The following ZNF433 variants were observed in gnomAD, a reference collection of about 807,000 sequenced individuals.
ZNF433 encodes the protein zinc finger protein 433.
A neutral mutation model predicts 10.6 loss-of-function variants in ZNF433; 12 were observed. That is an observed-to-expected ratio of 1.13 (90% confidence interval 0.72 to 1.83). The LOEUF (loss-of-function observed/expected upper bound fraction) is 1.83. ZNF433 is among the 40% of genes most tolerant of loss of function. The pLI is 0.00. For synonymous variants in ZNF433, 272 were observed against 271.3 expected (o/e 1.00, Z -0.02); for missense variants, 737 against 798.0 (o/e 0.92, Z 0.92).
intron 3 of ZNF433, 70 bp downstream of exon 3, chr19:12,017,806 T>A: frequency 1.0e-6 from 1 of 967,552 alleles, no homozygotes. Flanking sequence ...TCCTTTTTTT[T>A]TTTTTAACAT....
chr19:12,015,282 T>C lies in ZNF433; in HGVS notation c.1576A>G (p.Thr526Ala). The change falls in exon 4 of 4, where the codon ACT (threonine) becomes GCT (alanine). Residue 526 changes from threonine (T) to alanine (A), a missense_variant. Coordinates refer to ENST00000550507, the MANE Select transcript of ZNF433 (RefSeq NM_001308348.2). The stretch of plus-strand genomic sequence containing the variant: ...TTGCATTCATAGGGTTTCTCTCCAG[T>C]GTGAGTCCTTCCATGATATCGAAAG... ...SSFRYHGRTH[T>A]GEKPYECKQC... 6.2e-7 allele frequency: 1 copy of C among 1,614,044 alleles called. No individual in the cohort carries two copies.
intron 1 of ZNF433, among the ~76,000 whole-genome samples, chr19:12,020,188 C>A (rs1025227597): frequency 6.6e-6 from 1 of 152,068 alleles, no homozygotes; most frequent in Non-Finnish European, 1.5e-5. Context: ...AGGAGAATCA[C>A]TTGAATCTGG....
chr19:12,028,497 T>C (rs902387189), intron 1 of ZNF433, among the ~76,000 whole-genome samples: 1 of 152,198 alleles, frequency 6.6e-6, no homozygotes, highest in Non-Finnish European at 1.5e-5. Flanking sequence ...CCATCAATAT[T>C]TTGGTTCACT....
rs1287479081 is a variant in ZNF433 at position 12,016,297 on chromosome 19, T to C, written c.561A>G (p.Ile187Met). Reference sequence around the variant, plus strand: ...TATAAGGTCCATCTCCACGGTGCATTATCCTGTGTCTTTGAAGGTTTGAAT... The same window carrying C: ...TATAAGGTCCATCTCCACGGTGCATCATCCTGTGTCTTTGAAGGTTTGAAT... ...ISHSNLQRHR[I>M]MHRGDGPYKC... Residue 187 changes from isoleucine (I) to methionine (M), a missense_variant, in exon 4 of 4, where the codon ATA (isoleucine) becomes ATG (methionine). By Grantham distance (10) the Ile-to-Met change is conservative. Transcript: ENST00000550507. 6.2e-6 allele frequency: 10 copies of C among 1,614,236 alleles called. No individual in the cohort carries two copies. Among genetic ancestry groups the C allele is most frequent in the Non-Finnish European group, 7.6e-6 (9 of 1,180,042 alleles).
chr19:12,020,827 CAGGG>C (rs1166258279), intron 1 of ZNF433, among the ~76,000 whole-genome samples: 4 of 151,426 alleles, frequency 2.6e-5, no homozygotes, highest in Non-Finnish European at 5.9e-5. Context: ...TCGCTTGAAC[CAGGG>C]AGGCGGAGGT....
chr19:12,026,704 T>C (rs1974751078), intron 1 of ZNF433: 3 of 454,006 alleles, frequency 6.6e-6, no homozygotes, highest in South Asian at 4.7e-5. Flanking sequence ...ACGTACTTGT[T>C]TGGGAAGATT....
intron 1 of ZNF433, chr19:12,025,611 G>A (rs1012146769): frequency 6.6e-6 from 1 of 152,232 alleles, no homozygotes; most frequent in Non-Finnish European, 1.5e-5. Flanking sequence ...TCAAGGATTG[G>A]AACCTAATTC....
At chr19:12,021,882 G>T (rs1252954033) in intron 1 of ZNF433, 1 of 446,132 alleles carries the variant, frequency 2.2e-6, no homozygotes, top group Non-Finnish European at 4.6e-6. Context: ...TAAGATAGGG[G>T]ACTGTGGGTG....
intron 1 of ZNF433, chr19:12,027,033 A>G (rs1233188843): frequency 2.0e-5 from 9 of 448,164 alleles, no homozygotes; most frequent in Non-Finnish European, 3.5e-5. Context: ...AGGATAAAAA[A>G]GCATCTAGAA....
At position 12,032,029 on chromosome 19, in the gene ZNF433, C is replaced by G. The variant is rs148950445; in HGVS notation, c.3+3508G>C. On this transcript the variant is annotated intron_variant, in intron 1 of 3. Transcript: ENST00000550507. Reference sequence around the variant, plus strand: ...TCTCGGCTCACCGCAACCTCTGCCTCCCAGGTTCAACCAGTTCTCCTGCCT... The same window carrying G: ...TCTCGGCTCACCGCAACCTCTGCCTGCCAGGTTCAACCAGTTCTCCTGCCT... Among the ~76,000 whole-genome samples the G allele has an allele frequency of 1.3e-4, 19 of 150,802 alleles. 2 individuals are homozygous for G. The highest frequency in any genetic ancestry group is 4.4e-4 in the African/African-American group (18 of 40,962).
rs1264295673 is a variant in ZNF433, at chr19:12,035,545, G to C, written c.-6C>G. ...CTGGCCCGCACGCTCACCATTTCTT[G>C]CCTTTCAGGTGACTCCCACGACCAG... On this transcript the variant is annotated 5_prime_UTR_variant, in exon 1 of 4. Coordinates refer to ENST00000550507, the MANE Select transcript of ZNF433 (RefSeq NM_001308348.2). 1 of 1,572,828 alleles carries C rather than the reference G, an allele frequency of 6.4e-7. No individual in the cohort carries two copies. The highest frequency in any genetic ancestry group is 1.4e-5 in the African/African-American group (1 of 73,882).
chr19:12,023,331 C>G (rs1974585736), intron 1 of ZNF433: 1 of 152,104 alleles, frequency 6.6e-6, no homozygotes, highest in African/African-American at 2.4e-5. Context: ...AAAAGGAGTG[C>G]AAGTACATAC....
intron 1 of ZNF433, among the ~76,000 whole-genome samples, chr19:12,019,052 T>TAAAAAAA (rs754859866): frequency 1.6e-5 from 1 of 62,812 alleles, no homozygotes; most frequent in African/African-American, 5.2e-5. Context: ...TCCATCTTAA[T>TAAAAAAA]AAAAAAAAAA....
Position 12,014,957 on chromosome 19 carries a change from C to T in ZNF433, c.1901G>A (p.Gly634Glu), listed in dbSNP as rs1387345148. 1.2e-6 allele frequency: 2 copies of T among 1,613,782 alleles called. No individual in the cohort carries two copies. The highest frequency in any genetic ancestry group is 1.7e-6 in the Non-Finnish European group (2 of 1,179,890). ...FGCPSNLRRH[G>E]RTHTGEKPYK... ...GGGTTTCTCTCCAGTGTGAGTCCTT[C>T]CATGCCTTCGAAGGTTTGAGGGACA... is the stretch of plus-strand genomic sequence containing the variant. Residue 634 changes from glycine (G) to glutamate (E), a missense_variant, in exon 4 of 4, where the codon GGA (glycine) becomes GAA (glutamate). Coordinates refer to ENST00000550507, the MANE Select transcript of ZNF433 (RefSeq NM_001308348.2).
chr19:12,018,375 A>T, intron 1 of ZNF433, 83 bp from the exon 2 acceptor site: 1 of 1,479,526 alleles, frequency 6.8e-7, no homozygotes. Context: ...AGAGGTTTCC[A>T]TGATGCTGTG....
At chr19:12,021,915 T>C (rs1262476978) in intron 1 of ZNF433, 2 of 456,646 alleles carry the variant, frequency 4.4e-6, no homozygotes, top group Non-Finnish European at 8.8e-6. Context: ...GACAGGGTAC[T>C]AGGGTAGAGC....
rs1212557930 is a variant in ZNF433, at chr19:12,014,803, G to C, written c.*42C>G. 1.4e-6 allele frequency: 2 copies of C among 1,451,378 alleles called. No homozygotes were observed. Among genetic ancestry groups the C allele is most frequent in the Non-Finnish European group, 1.8e-6 (2 of 1,089,718 alleles). The allele number at this position is 1,451,378 out of a possible 1,614,324, so 89.9% of individuals were successfully genotyped here. ...TGCCCAGGCTGGTCTTGAACTCCTG[G>C]GCTTAAGCAGTCCCCCCACCTCAGC... On this transcript the variant is annotated 3_prime_UTR_variant, in exon 4 of 4. Coordinates refer to ENST00000550507, the MANE Select transcript of ZNF433 (RefSeq NM_001308348.2).
At chr19:12,029,864 G>A (rs1041568619) in intron 1 of ZNF433, among the ~76,000 whole-genome samples, 2 of 151,920 alleles carry the variant, frequency 1.3e-5, no homozygotes, top group Admixed American at 1.3e-4. Context: ...GGTGGATCAC[G>A]AGGTCAGGAG....
At chr19:12,033,486 T>A (rs1975126516) in intron 1 of ZNF433, among the ~76,000 whole-genome samples, 1 of 150,694 alleles carries the variant, frequency 6.6e-6, no homozygotes, top group East Asian at 2.0e-4. Context: ...GCCACTACAC[T>A]CCAGCCTGGG....
Sources: gnomAD v4.1 joint callset for allele counts (sites outside exome capture counted in the v4.1 genomes callset) on GRCh38, gnomAD v4.1.1 for gene constraint, MANE v1.5 for transcripts, NCBI Gene and HGNC (gene_info 2026-07-23, HGNC 2026-07-21) for gene names.